DDC: variants seen among roughly 807,000 people sequenced by gnomAD.
DDC encodes dopa decarboxylase, also known as aromatic-L-amino-acid decarboxylase.
A neutral mutation model predicts 60.0 loss-of-function variants in DDC; 43 were observed. The ratio of observed to expected loss-of-function variants is 0.72; its 90% CI spans 0.56 to 0.92. The LOEUF is 0.92. Ranked by LOEUF, DDC falls within the 40% of genes least tolerant of loss-of-function variation. The pLI, the probability that DDC is intolerant of heterozygous loss-of-function variation, is 0.00. For missense variants in DDC, 573 were observed against 620.2 expected (o/e 0.92, Z 0.81); for synonymous variants, 232 against 234.6 (o/e 0.99, Z 0.10).
At chr7:50,472,416 C>T (rs1175172574) in intron 11 of DDC, among the ~76,000 whole-genome samples, 3 of 152,170 alleles carry the variant, frequency 2.0e-5, no homozygotes, top group South Asian at 2.1e-4. Context: ...TGATCTATTT[C>T]CTGGTACTTT....
At chr7:50,536,994 G>C (rs2044434002) in intron 4 of DDC, among the ~76,000 whole-genome samples, 1 of 151,112 alleles carries the variant, frequency 6.6e-6, no homozygotes, top group Non-Finnish European at 1.5e-5. Flanking sequence ...GATTAAGGGA[G>C]AGTACTGGGT....
At chr7:50,475,144 C>G (rs1281573421) in intron 11 of DDC, among the ~76,000 whole-genome samples, 4 of 152,302 alleles carry the variant, frequency 2.6e-5, no homozygotes, top group African/African-American at 7.2e-5. Flanking sequence ...TTGTACAGCA[C>G]GTGGCCCTCA....
At chr7:50,479,208 C>A (rs1168555967) in intron 10 of DDC, among the ~76,000 whole-genome samples, 1 of 152,208 alleles carries the variant, frequency 6.6e-6, no homozygotes, top group Non-Finnish European at 1.5e-5. Context: ...ACTGCCCACT[C>A]ATCCCCTCCC....
chr7:50,505,149 C>A (rs1242771684), intron 6 of DDC, among the ~76,000 whole-genome samples: 1 of 152,216 alleles, frequency 6.6e-6, no homozygotes, highest in Non-Finnish European at 1.5e-5. Context: ...GTTGTCCCCA[C>A]ACACATGTCT....
rs113182567 is a variant in DDC at position 50,541,572 on chromosome 7, A to G, written c.202-1544T>C. Among the ~76,000 whole-genome samples the G allele has an allele frequency of 1.9e-3, 294 of 152,286 alleles. 2 individuals are homozygous for G. The highest frequency in any genetic ancestry group is 6.7e-3 in the African/African-American group (280 of 41,566). ...AGTGCCCTCATAAGAAAAGGCAGAGAGCTGGCTACCTCTTGGTTACGTGAG... is the reference window on the plus strand; with the variant it reads ...AGTGCCCTCATAAGAAAAGGCAGAGGGCTGGCTACCTCTTGGTTACGTGAG... On this transcript the variant is annotated intron_variant, in intron 2 of 14. Transcript: ENST00000444124.
chr7:50,504,089 T>C (rs1430316709), intron 6 of DDC, 30 bp from the exon 7 acceptor site: 1 of 1,535,676 alleles, frequency 6.5e-7, no homozygotes, highest in Admixed American at 1.7e-5. Flanking sequence ...CAGCCTTTTA[T>C]TCCCCAGGTG....
intron 8 of DDC, among the ~76,000 whole-genome samples, chr7:50,498,483 C>T (rs139070539): frequency 6.6e-6 from 1 of 152,334 alleles, no homozygotes; most frequent in African/African-American, 2.4e-5. Context: ...TATGAGCCAC[C>T]ACCAACAATG....
At chr7:50,466,440 A>T (rs539233045) in intron 13 of DDC, among the ~76,000 whole-genome samples, 2 of 149,236 alleles carry the variant, frequency 1.3e-5, no homozygotes, top group Non-Finnish European at 3.0e-5. Context: ...AGCCGAGATT[A>T]CACCACTGCA....
At chr7:50,504,595 CTA>C (rs901449837) in intron 6 of DDC, among the ~76,000 whole-genome samples, 4 of 150,328 alleles carry the variant, frequency 2.7e-5, no homozygotes, top group African/African-American at 9.8e-5. Context: ...ATTTTATTTT[CTA>C]TATATATATG....
chr7:50,504,135 TG>T, intron 6 of DDC, 76 bp from the exon 7 acceptor site: 1 of 1,033,958 alleles, frequency 9.7e-7, no homozygotes, highest in Non-Finnish European at 1.5e-6. Context: ...AAGCAACTGC[TG>T]CCCCATGGTC....
At chr7:50,465,955 G>A (rs1432445730) in intron 13 of DDC, among the ~76,000 whole-genome samples, 1 of 152,168 alleles carries the variant, frequency 6.6e-6, no homozygotes, top group Non-Finnish European at 1.5e-5. Context: ...GCTCTTCCAA[G>A]GGCTCAAGTC....
At chr7:50,518,894 C>A (rs991180592) in intron 6 of DDC, among the ~76,000 whole-genome samples, 1 of 152,176 alleles carries the variant, frequency 6.6e-6, no homozygotes, top group Admixed American at 6.5e-5. Flanking sequence ...TGGCTGGGAC[C>A]TAATTAAACT....
At chr7:50,459,586 G>A (rs1248979178) in intron 14 of DDC, 2 of 177,446 alleles carry the variant, frequency 1.1e-5, no homozygotes, top group Non-Finnish European at 2.4e-5. Context: ...TGTCTGAGAT[G>A]TGGGGAGCGC....
chr7:50,523,469 T>C (rs1324845385), intron 6 of DDC, among the ~76,000 whole-genome samples: 1 of 152,090 alleles, frequency 6.6e-6, no homozygotes, highest in African/African-American at 2.4e-5. Flanking sequence ...CTCTTAAAAC[T>C]CAATAATAAT....
At chr7:50,494,972 A>C (rs2043096266) in intron 9 of DDC, among the ~76,000 whole-genome samples, 1 of 152,132 alleles carries the variant, frequency 6.6e-6, no homozygotes, top group South Asian at 2.1e-4. Flanking sequence ...CTTAGCAAAT[A>C]CTTTTAAGCA....
At chr7:50,515,945 A>G (rs576329707) in intron 6 of DDC, among the ~76,000 whole-genome samples, 6 of 152,340 alleles carry the variant, frequency 3.9e-5, no homozygotes, top group African/African-American at 1.4e-4. Flanking sequence ...TACTAGACCT[A>G]AGAAATGAGA....
intron 3 of DDC, 42 bp from the exon 4 acceptor site, chr7:50,538,021 T>C (rs2044476488): frequency 3.7e-6 from 6 of 1,613,828 alleles, no homozygotes; most frequent in South Asian, 3.3e-5. Flanking sequence ...GGGCCAGGCA[T>C]TGCAGAATTT....
Position 50,458,449 on chromosome 7 carries a change from T to A in DDC, c.*413A>T, listed in dbSNP as rs2042172675. 6.6e-6 allele frequency: 1 copy of A among 152,244 alleles called. No homozygotes were observed. Among genetic ancestry groups the A allele is most frequent in the Non-Finnish European group, 1.5e-5 (1 of 68,042 alleles). 9.4% of individuals were successfully genotyped at this position (152,244 alleles called of 1,614,324 possible). A position where few individuals can be genotyped will look rare whatever the true frequency, so the allele number is the denominator to read the frequency against. ...CATCTGACACAATTAGTATTTCACT[T>A]GAATTGTTTATTAGGCATTTAGCCA... On this transcript the variant is annotated 3_prime_UTR_variant, in exon 15 of 15. Transcript: ENST00000444124.
intron 4 of DDC, among the ~76,000 whole-genome samples, chr7:50,533,340 G>A (rs886537015): frequency 4.0e-5 from 6 of 148,954 alleles, no homozygotes; most frequent in Middle Eastern, 3.4e-3. Context: ...CTGTCACCCC[G>A]ACTGGAGTGC....
Sources: allele counts gnomAD v4.1 joint callset (sites outside exome capture counted in the v4.1 genomes callset), GRCh38; gene constraint gnomAD v4.1.1; transcripts MANE v1.5; gene names NCBI Gene and HGNC (gene_info 2026-07-23, HGNC 2026-07-21).